DENND4C: variants seen among roughly 807,000 people sequenced by gnomAD.
DENND4C encodes DENN domain-containing protein 4C.
Under a neutral mutation model 203.0 loss-of-function variants are expected in DENND4C, and 108 were observed. That is an observed-to-expected ratio of 0.53 (90% CI 0.46 to 0.62). The LOEUF (loss-of-function observed/expected upper bound fraction) is 0.62, where lower values mean the gene tolerates loss of function less well. DENND4C is among the 20% of genes least tolerant of loss of function. The probability of loss-of-function intolerance (pLI) is 0.00; values close to 1 mark genes in which losing one functional copy is unlikely to be tolerated. For missense variants in DENND4C, 2,481 were observed against 2,301.2 expected, an observed-to-expected ratio of 1.08 and a Z score of -1.60; for synonymous variants, 871 against 792.4, an observed-to-expected ratio of 1.10 and a Z score of -1.67.
intron 2 of DENND4C, among the ~76,000 whole-genome samples, chr9:19,277,269 T>C (rs1425239511): frequency 6.6e-6 from 1 of 152,188 alleles, no homozygotes; most frequent in African/African-American, 2.4e-5. Flanking sequence ...TAACTTTAGA[T>C]TAATCTGCAG....
intron 2 of DENND4C, among the ~76,000 whole-genome samples, chr9:19,282,715 C>CTCTTTTT (rs758751945): frequency 0.018 from 1,529 of 86,722 alleles, 96 homozygotes; most frequent in African/African-American, 0.024. Context: ...TTTCTTCTCT[C>CTCTTTTT]TTTTTTTTTT....
At chr9:19,306,584 A>G (rs1433470465) in intron 10 of DENND4C, among the ~76,000 whole-genome samples, 1 of 152,076 alleles carries the variant, frequency 6.6e-6, no homozygotes, top group Admixed American at 6.5e-5. Flanking sequence ...AGAAATGATT[A>G]TTTGTGAAGT....
chr9:19,290,932 A>G (rs1836168301), intron 5 of DENND4C, 56 bp downstream of exon 5: 3 of 1,529,544 alleles, frequency 2.0e-6, no homozygotes, highest in East Asian at 4.6e-5. Flanking sequence ...ATTTCATAAA[A>G]AGGTTAATAC....
At chr9:19,305,652 A>G in intron 10 of DENND4C, 125 bp downstream of exon 10, 1 of 916,762 alleles carries the variant, frequency 1.1e-6, no homozygotes, top group Non-Finnish European at 1.6e-6. Flanking sequence ...TAAATACAGC[A>G]GCTCTCAACC....
At chr9:19,265,788 C>CT (rs1177509874) in intron 1 of DENND4C, among the ~76,000 whole-genome samples, 1 of 152,118 alleles carries the variant, frequency 6.6e-6, no homozygotes, top group Non-Finnish European at 1.5e-5. Flanking sequence ...AGAACTCAAC[C>CT]TTTTTTATGG....
chr9:19,262,285 A>G (rs1829570329), intron 1 of DENND4C, among the ~76,000 whole-genome samples: 1 of 151,230 alleles, frequency 6.6e-6, no homozygotes, highest in African/African-American at 2.4e-5. Context: ...TGGGGGTTTC[A>G]CCATGTTGGC....
At chr9:19,266,626 G>C (rs952903292) in intron 1 of DENND4C, among the ~76,000 whole-genome samples, 2 of 152,158 alleles carry the variant, frequency 1.3e-5, no homozygotes, top group Non-Finnish European at 2.9e-5. Flanking sequence ...TACCAAAACA[G>C]AGATATAGAC....
intron 23 of DENND4C, among the ~76,000 whole-genome samples, chr9:19,348,314 C>T (rs1055325528): frequency 2.0e-5 from 3 of 152,144 alleles, no homozygotes; most frequent in Non-Finnish European, 2.9e-5. Context: ...AGTCCATGCT[C>T]TTACCTTAGA....
At chr9:19,337,478 C>T in intron 20 of DENND4C, 2 of 345,940 alleles carry the variant, frequency 5.8e-6, no homozygotes, top group South Asian at 9.2e-5. Flanking sequence ...TCCTGTGCTT[C>T]ATCTGATGAA....
intron 10 of DENND4C, among the ~76,000 whole-genome samples, chr9:19,311,464 G>T (rs1326521030): frequency 6.6e-6 from 1 of 152,084 alleles, no homozygotes; most frequent in Non-Finnish European, 1.5e-5. Flanking sequence ...TAACTCCGTT[G>T]AATTGTGATC....
At chr9:19,298,171 G>C in intron 7 of DENND4C, 49 bp downstream of exon 7, 3 of 1,517,620 alleles carry the variant, frequency 2.0e-6, no homozygotes, top group Non-Finnish European at 2.7e-6. Flanking sequence ...ATGCTCACCT[G>C]AGTCATTGCA....
At chr9:19,253,331 G>A (rs573703352) in intron 1 of DENND4C, among the ~76,000 whole-genome samples, 1 of 152,274 alleles carries the variant, frequency 6.6e-6, no homozygotes, top group Non-Finnish European at 1.5e-5. Flanking sequence ...CATGCCCAAC[G>A]CCTTTTAGGC....
intron 10 of DENND4C, among the ~76,000 whole-genome samples, chr9:19,311,643 T>A (rs1283361482): frequency 6.6e-6 from 1 of 151,940 alleles, no homozygotes; most frequent in Non-Finnish European, 1.5e-5. Context: ...TCAAATAAGC[T>A]TAAGCTTATT....
Position 19,286,102 on chromosome 9 carries a change from A to G in DENND4C, c.306-667A>G, listed in dbSNP as rs187921074. 4.2e-3 allele frequency among the ~76,000 whole-genome samples: 644 copies of G among 152,314 alleles called. 1 individual carries two copies. Among genetic ancestry groups the G allele is most frequent in the Non-Finnish European group, 7.6e-3 (520 of 68,024 alleles). On this transcript the variant is annotated intron_variant, in intron 2 of 32. Transcript: ENST00000434457. ...TTGATCTATTTGAGGGTATTGCCAA[A>G]GGCAGCTGGAATTTAGATAGGAATT... is the stretch of plus-strand genomic sequence containing the variant.
At chr9:19,345,060 C>G (rs1300247459) in intron 22 of DENND4C, among the ~76,000 whole-genome samples, 3 of 152,160 alleles carry the variant, frequency 2.0e-5, no homozygotes, top group Admixed American at 6.5e-5. Flanking sequence ...TACTGTCACA[C>G]TGAGGGTTAG....
chr9:19,362,322 T>C (rs990793237), intron 30 of DENND4C, among the ~76,000 whole-genome samples: 8 of 151,924 alleles, frequency 5.3e-5, no homozygotes, highest in African/African-American at 1.9e-4. Flanking sequence ...AGACTCAAAA[T>C]GGGAACAACT....
At chr9:19,255,520 C>T (rs1827727503) in intron 1 of DENND4C, among the ~76,000 whole-genome samples, 1 of 151,998 alleles carries the variant, frequency 6.6e-6, no homozygotes, top group African/African-American at 2.4e-5. Context: ...TAAAGGCATC[C>T]TATATATACA....
At chr9:19,307,290 G>A (rs1281787794) in intron 10 of DENND4C, among the ~76,000 whole-genome samples, 1 of 150,896 alleles carries the variant, frequency 6.6e-6, no homozygotes, top group East Asian at 2.0e-4. Context: ...AGCTACACAG[G>A]CAGCTGAGGA....
intron 1 of DENND4C, among the ~76,000 whole-genome samples, chr9:19,234,078 T>A (rs1326549405): frequency 6.6e-6 from 1 of 152,204 alleles, no homozygotes; most frequent in East Asian, 1.9e-4. Flanking sequence ...AATATAATTG[T>A]CTTTTAATTT....
Sources: allele counts gnomAD v4.1 joint callset (sites outside exome capture counted in the v4.1 genomes callset), GRCh38; gene constraint gnomAD v4.1.1; transcripts MANE v1.5; gene names NCBI Gene and HGNC (gene_info 2026-07-23, HGNC 2026-07-21).